CSMD1: variants seen among roughly 807,000 people sequenced by gnomAD.
CSMD1 encodes the protein CUB and Sushi multiple domains 1.
A neutral mutation model predicts 417.5 loss-of-function variants in CSMD1; 213 were observed. That is an observed-to-expected ratio of 0.51 (90% CI 0.46 to 0.57). The LOEUF is 0.57. Ranked by LOEUF, CSMD1 falls within the 20% of genes least tolerant of loss-of-function variation. The pLI is 0.00. For missense variants in CSMD1, 6,923 were observed against 4,529.7 expected (o/e 1.53, Z -15.17); for synonymous variants, 2,862 against 1,736.8 (o/e 1.65, Z -16.11).
At chr8:3,718,999 G>T (rs565382191) in intron 6 of CSMD1, among the ~76,000 whole-genome samples, 1 of 152,252 alleles carries the variant, frequency 6.6e-6, no homozygotes, top group East Asian at 1.9e-4. Flanking sequence ...AGAACAAGGG[G>T]TGAGACAACG....
At chr8:4,104,337 C>T (rs1801455505) in intron 3 of CSMD1, among the ~76,000 whole-genome samples, 1 of 152,202 alleles carries the variant, frequency 6.6e-6, no homozygotes, top group African/African-American at 2.4e-5. Context: ...GCTTAGAACA[C>T]AAAAGGCATT....
At chr8:4,465,232 A>G (rs1460145642) in intron 2 of CSMD1, among the ~76,000 whole-genome samples, 1 of 152,126 alleles carries the variant, frequency 6.6e-6, no homozygotes, top group Non-Finnish European at 1.5e-5. Context: ...TTTGCTCTGA[A>G]GTTTGAGTAT....
intron 3 of CSMD1, among the ~76,000 whole-genome samples, chr8:4,032,831 T>C (rs1797417678): frequency 6.6e-6 from 1 of 152,142 alleles, no homozygotes; most frequent in African/African-American, 2.4e-5. Flanking sequence ...AATGGACACA[T>C]CCTCTCAGCC....
chr8:3,805,823 CT>C (rs1800703368), intron 5 of CSMD1, among the ~76,000 whole-genome samples: 1 of 152,124 alleles, frequency 6.6e-6, no homozygotes, highest in African/African-American at 2.4e-5. Flanking sequence ...CCATTCAAGC[CT>C]TTTCAACTTC....
intron 3 of CSMD1, among the ~76,000 whole-genome samples, chr8:4,204,543 G>A (rs1041774993): frequency 2.0e-5 from 3 of 152,140 alleles, no homozygotes; most frequent in African/African-American, 7.2e-5. Flanking sequence ...AAGTGTAGAA[G>A]AAATTATGAC....
intron 1 of CSMD1, among the ~76,000 whole-genome samples, chr8:4,941,314 G>A (rs1807983375): frequency 6.6e-6 from 1 of 151,856 alleles, no homozygotes; most frequent in Non-Finnish European, 1.5e-5. Flanking sequence ...CTTTGTTTTT[G>A]TAAAGCACAC....
chr8:4,544,405 A>G (rs2130531688), intron 2 of CSMD1, among the ~76,000 whole-genome samples: 1 of 152,186 alleles, frequency 6.6e-6, no homozygotes, highest in East Asian at 1.9e-4. Flanking sequence ...TTTATTAATA[A>G]AAATTACAGT....
intron 2 of CSMD1, among the ~76,000 whole-genome samples, chr8:4,571,203 T>C (rs1235556173): frequency 6.6e-6 from 1 of 152,186 alleles, no homozygotes; most frequent in Non-Finnish European, 1.5e-5. Flanking sequence ...TTGTTTGCTC[T>C]TGCTTCTCTA....
intron 2 of CSMD1, among the ~76,000 whole-genome samples, chr8:4,480,886 T>A (rs528885739): frequency 1.3e-5 from 2 of 152,292 alleles, no homozygotes; most frequent in African/African-American, 4.8e-5. Context: ...AGATCTAGAT[T>A]CCTGGGGTAC....
rs890864391 is a variant in CSMD1 at position 3,893,205 on chromosome 8, A to G, written c.818+104698T>C. Among the ~76,000 whole-genome samples, 3 of 151,488 alleles carry G rather than the reference A, an allele frequency of 2.0e-5. 1 individual carries two copies. The highest frequency in any genetic ancestry group is 4.4e-5 in the Non-Finnish European group (3 of 67,908). On this transcript the variant is annotated intron_variant, in intron 5 of 69. Coordinates refer to ENST00000635120, the MANE Select transcript of CSMD1 (RefSeq NM_033225.6). ...TGTTCCCAGGGCACGTCAGAAATAA[A>G]GTGACTAGAAACCTCTTAAAACACA...
At chr8:4,594,089 C>G (rs1356795400) in intron 2 of CSMD1, among the ~76,000 whole-genome samples, 3 of 151,724 alleles carry the variant, frequency 2.0e-5, no homozygotes, top group Non-Finnish European at 2.9e-5. Context: ...CCTCATGTGC[C>G]TCTCTGTCTA....
At chr8:3,961,478 G>C (rs558939651) in intron 5 of CSMD1, among the ~76,000 whole-genome samples, 4 of 152,076 alleles carry the variant, frequency 2.6e-5, no homozygotes, top group Non-Finnish European at 4.4e-5. Flanking sequence ...CATTTTAAAA[G>C]TCTAGCCCCA....
chr8:3,265,445 G>C (rs1207403449), intron 26 of CSMD1, among the ~76,000 whole-genome samples: 2 of 152,154 alleles, frequency 1.3e-5, no homozygotes, highest in African/African-American at 4.8e-5. Flanking sequence ...TACTCTCAGG[G>C]ATCAGAGACG....
intron 5 of CSMD1, among the ~76,000 whole-genome samples, chr8:3,856,019 C>T: frequency 6.6e-6 from 1 of 152,024 alleles, no homozygotes. Flanking sequence ...TATATCTAGA[C>T]AAACATTACC....
chr8:4,019,896 AG>A (rs1796704061), intron 4 of CSMD1, among the ~76,000 whole-genome samples: 1 of 146,558 alleles, frequency 6.8e-6, no homozygotes, highest in Admixed American at 7.1e-5. Flanking sequence ...CTTATTCTAA[AG>A]AATAGCAGTA....
chr8:4,052,145 G>A (rs752582090), intron 3 of CSMD1, among the ~76,000 whole-genome samples: 9 of 151,942 alleles, frequency 5.9e-5, no homozygotes, highest in South Asian at 2.1e-4. Flanking sequence ...GGGTGGTCTC[G>A]AACTCCTGAC....
chr8:4,724,855 C>T (rs1006322905), intron 1 of CSMD1, among the ~76,000 whole-genome samples: 5 of 151,950 alleles, frequency 3.3e-5, no homozygotes, highest in South Asian at 2.1e-4. Flanking sequence ...TGAAATCTGA[C>T]GGAAGTATAC....
chr8:4,935,388 T>C (rs1807545232), intron 1 of CSMD1, among the ~76,000 whole-genome samples: 1 of 152,200 alleles, frequency 6.6e-6, no homozygotes, highest in Non-Finnish European at 1.5e-5. Flanking sequence ...CACATGCACC[T>C]CAAAAGCCCT....
At chr8:4,769,866 C>A (rs1796516748) in intron 1 of CSMD1, among the ~76,000 whole-genome samples, 1 of 152,010 alleles carries the variant, frequency 6.6e-6, no homozygotes, top group Non-Finnish European at 1.5e-5. Flanking sequence ...TATATGCATC[C>A]CACCACTAAC....
Sources: allele counts gnomAD v4.1 joint callset (sites outside exome capture counted in the v4.1 genomes callset), GRCh38; gene constraint gnomAD v4.1.1; transcripts MANE v1.5; gene names NCBI Gene and HGNC (gene_info 2026-07-23, HGNC 2026-07-21).